MCOLN2: variants seen among roughly 807,000 people sequenced by gnomAD.
The protein encoded by MCOLN2 is mucolipin TRP cation channel 2, also known as mucolipin-2.
MCOLN2 carries 57 observed loss-of-function variants against 67.5 expected under a neutral mutation model. That is an observed-to-expected ratio of 0.84 (90% confidence interval 0.68 to 1.05). The LOEUF (loss-of-function observed/expected upper bound fraction) is 1.05, where lower values mean the gene tolerates loss of function less well. Ranked by LOEUF, MCOLN2 falls within the 50% of genes least tolerant of loss-of-function variation. The pLI is 0.00. For missense variants in MCOLN2, 620 were observed against 678.8 expected (o/e 0.91, Z 0.96); for synonymous variants, 246 against 233.3 (o/e 1.05, Z -0.50).
chr1:84,933,104 ATTC>A (rs1417714797), intron 11 of MCOLN2, among the ~76,000 whole-genome samples: 2 of 151,904 alleles, frequency 1.3e-5, no homozygotes, highest in Admixed American at 1.3e-4. Context: ...CACCTGCTCT[ATTC>A]TTCTTTCTCT....
At chr1:84,928,897 T>C (rs1021966170) in intron 13 of MCOLN2, among the ~76,000 whole-genome samples, 17 of 152,190 alleles carry the variant, frequency 1.1e-4, no homozygotes, top group African/African-American at 4.1e-4. Flanking sequence ...AAAAAACATA[T>C]GTAGGGTATA....
chr1:84,978,390 G>C (rs1357099757), intron 1 of MCOLN2, among the ~76,000 whole-genome samples: 6 of 140,302 alleles, frequency 4.3e-5, no homozygotes, highest in African/African-American at 1.6e-4. Context: ...GATCAGAGCA[G>C]AAATAAATGA....
chr1:84,985,907 A>G (rs1557664161), intron 1 of MCOLN2, among the ~76,000 whole-genome samples: 1 of 152,284 alleles, frequency 6.6e-6, no homozygotes, highest in Non-Finnish European at 1.5e-5. Flanking sequence ...CCATCAAAAT[A>G]CCACCACCAT....
At chr1:84,945,596 T>C (rs2102824138) in intron 7 of MCOLN2, among the ~76,000 whole-genome samples, 1 of 152,310 alleles carries the variant, frequency 6.6e-6, no homozygotes, top group African/African-American at 2.4e-5. Flanking sequence ...TTCATTCTGA[T>C]AACCTGGTCA....
intron 1 of MCOLN2, among the ~76,000 whole-genome samples, chr1:84,967,447 T>G (rs1409205533): frequency 6.6e-6 from 1 of 152,200 alleles, no homozygotes; most frequent in Non-Finnish European, 1.5e-5. Context: ...TAAGGTTCTG[T>G]TTACTGGAAA....
intron 1 of MCOLN2, among the ~76,000 whole-genome samples, chr1:84,979,246 T>C (rs12091131): frequency 0.51 from 77,278 of 151,982 alleles, 19,880 homozygotes; most frequent in Middle Eastern, 0.54. Context: ...TTCTACCAAA[T>C]GTTTAAAGAA....
At chr1:84,929,933 T>G in intron 12 of MCOLN2, 1 of 194,726 alleles carries the variant, frequency 5.1e-6, no homozygotes, top group Non-Finnish European at 1.0e-5. Flanking sequence ...AGGTTTTTTT[T>G]AAAAAAAAAA....
chr1:84,982,864 G>A (rs866283146), intron 1 of MCOLN2, among the ~76,000 whole-genome samples: 9 of 151,816 alleles, frequency 5.9e-5, no homozygotes, highest in South Asian at 4.1e-4. Flanking sequence ...TACCATGCCC[G>A]GCTAATTTTT....
intron 12 of MCOLN2, among the ~76,000 whole-genome samples, chr1:84,931,013 G>A (rs1044245590): frequency 2.0e-5 from 3 of 152,064 alleles, no homozygotes; most frequent in Non-Finnish European, 4.4e-5. Context: ...TCAGGGTGCC[G>A]GTCACCTCTC....
chr1:84,978,825 T>C (rs964825246), intron 1 of MCOLN2, among the ~76,000 whole-genome samples: 4 of 151,912 alleles, frequency 2.6e-5, no homozygotes, highest in African/African-American at 9.7e-5. Context: ...CACACACATA[T>C]ACATATATAC....
intron 8 of MCOLN2, 36 bp downstream of exon 8, chr1:84,940,843 C>T: frequency 6.8e-7 from 1 of 1,477,152 alleles, no homozygotes; most frequent in Non-Finnish European, 9.4e-7. Context: ...GGGCGCAGGC[C>T]AAGAGGGCAG....
Position 84,940,867 on chromosome 1 carries a change from A to ACACACTCT in MCOLN2, c.960+4_960+11dup. The ACACACTCT allele has an allele frequency of 6.3e-7, 1 of 1,580,144 alleles. No individual in the cohort carries two copies. The highest frequency in any genetic ancestry group is 8.7e-7 in the Non-Finnish European group (1 of 1,152,662). On this transcript the variant is annotated intron_variant, in intron 8 of 13. Transcript: ENST00000370608. ...CCAAGAGGGCAGGAAGAGAATGCGAACACACTCTTACCTTCCGTAACCTTA... is the reference window on the plus strand; with the variant it reads ...CCAAGAGGGCAGGAAGAGAATGCGAACACACTCTCACACTCTTACCTTCCGTAACCTTA...
In MCOLN2 at chr1:84,947,095, T is replaced by G. The variant is rs769594050; in HGVS notation, c.785A>C (p.Lys262Thr). The change falls in exon 7 of 14, where the codon AAA becomes ACA. Residue 262 changes from lysine (K) to threonine (T), a missense_variant. Lys to Thr is a moderately conservative substitution (Grantham distance 78, BLOSUM62 -1). Transcript: ENST00000370608. ...TTTGGCATCACTGTCAAAATAGATT[T>G]TGATTTTGCCACTGTGAGCTTTATT... ...FDNKAHSGKI[K>T]IYFDSDAKIE... 1 of 1,602,874 alleles carries G rather than the reference T, an allele frequency of 6.2e-7. No individual in the cohort carries two copies. Among genetic ancestry groups the G allele is most frequent in the Non-Finnish European group, 8.5e-7 (1 of 1,170,188 alleles).
chr1:84,982,301 T>C (rs1650298727), intron 1 of MCOLN2, among the ~76,000 whole-genome samples: 2 of 152,204 alleles, frequency 1.3e-5, no homozygotes, highest in South Asian at 2.1e-4. Flanking sequence ...TTTATTTTAA[T>C]TTTTTAAAAT....
intron 2 of MCOLN2, among the ~76,000 whole-genome samples, chr1:84,963,753 G>A (rs760717698): frequency 8.5e-5 from 13 of 152,150 alleles, no homozygotes; most frequent in Non-Finnish European, 1.6e-4. Flanking sequence ...ATGATTGTAA[G>A]TTTCCTGAGG....
At position 84,965,728 on chromosome 1, in the gene MCOLN2, T is replaced by G. The variant is rs1649346587; in HGVS notation, c.78-20A>C. The G allele has an allele frequency of 8.1e-6, 13 of 1,607,504 alleles. No individual in the cohort carries two copies. Among genetic ancestry groups the G allele is most frequent in the Non-Finnish European group, 1.0e-5 (12 of 1,177,574 alleles). ...GCATTTCTGCCACAGAAGATTAATT[T>G]TAAATATCCAGGAAAGCCTCTCCCT... On this transcript the variant is annotated intron_variant, in intron 1 of 13. Transcript: ENST00000370608.
intron 4 of MCOLN2, among the ~76,000 whole-genome samples, chr1:84,955,148 C>T (rs1338998131): frequency 6.6e-6 from 1 of 152,166 alleles, no homozygotes; most frequent in African/African-American, 2.4e-5. Context: ...TGCACTTCTC[C>T]TTCCTGCCAC....
intron 9 of MCOLN2, 76 bp from the exon 10 acceptor site, chr1:84,938,158 A>G (rs931196036): frequency 1.8e-5 from 18 of 981,410 alleles, no homozygotes; most frequent in African/African-American, 3.3e-5. Context: ...CTTACATTAA[A>G]CCAATTAATA....
intron 13 of MCOLN2, among the ~76,000 whole-genome samples, chr1:84,928,320 T>G (rs1324763359): frequency 6.6e-6 from 1 of 152,160 alleles, no homozygotes; most frequent in Non-Finnish European, 1.5e-5. Flanking sequence ...CTCAGCACAC[T>G]TTAGGGCAAA....
Sources: allele counts gnomAD v4.1 joint callset (sites outside exome capture counted in the v4.1 genomes callset), GRCh38; gene constraint gnomAD v4.1.1; transcripts MANE v1.5; gene names NCBI Gene and HGNC (gene_info 2026-07-23, HGNC 2026-07-21).